The following TMOD3 variants were observed in gnomAD, a reference collection of about 807,000 sequenced individuals.
TMOD3 encodes tropomodulin-3.
Under a neutral mutation model 39.2 loss-of-function variants are expected in TMOD3, and 20 were observed. The observed-to-expected ratio is 0.51, with a 90% CI of 0.36 to 0.74. TMOD3 has a LOEUF of 0.74. Ranked by LOEUF, TMOD3 falls within the 30% of genes least tolerant of loss-of-function variation. The pLI, the probability that TMOD3 is intolerant of heterozygous loss-of-function variation, is 0.00. For synonymous variants in TMOD3, 143 were observed against 145.8 expected (o/e 0.98, Z 0.14); for missense variants, 381 against 412.8 (o/e 0.92, Z 0.67).
At chr15:51,865,392 G>A (rs2056440372) in intron 2 of TMOD3, among the ~76,000 whole-genome samples, 1 of 151,980 alleles carries the variant, frequency 6.6e-6, no homozygotes. Flanking sequence ...AAAGAGCTGG[G>A]ACTAGATCCC....
intron 3 of TMOD3, among the ~76,000 whole-genome samples, chr15:51,873,318 G>A (rs1416443836): frequency 3.3e-5 from 5 of 152,112 alleles, no homozygotes; most frequent in African/African-American, 7.2e-5. Context: ...TGAACACCTG[G>A]GTTGAGTCTC....
At chr15:51,872,808 G>T (rs2056482465) in intron 3 of TMOD3, among the ~76,000 whole-genome samples, 1 of 151,986 alleles carries the variant, frequency 6.6e-6, no homozygotes, top group South Asian at 2.1e-4. Context: ...CACTGTAAAG[G>T]ATCATATGGG....
intron 4 of TMOD3, among the ~76,000 whole-genome samples, chr15:51,887,964 A>G (rs1275493292): frequency 6.6e-6 from 1 of 152,226 alleles, no homozygotes; most frequent in African/African-American, 2.4e-5. Context: ...CCATGTTGTC[A>G]TATTTGAAAG....
intron 9 of TMOD3, among the ~76,000 whole-genome samples, chr15:51,907,692 C>G (rs1316637093): frequency 6.6e-6 from 1 of 152,228 alleles, no homozygotes; most frequent in Middle Eastern, 3.2e-3. Context: ...TTTGTCCTCT[C>G]TAGGAGCCGG....
intron 1 of TMOD3, chr15:51,859,191 C>T (rs1005146053): frequency 2.2e-4 from 159 of 727,822 alleles, no homozygotes; most frequent in South Asian, 1.9e-3. Flanking sequence ...TCTTCACAAA[C>T]GGCCAGTCTG....
At position 51,832,963 on chromosome 15, in the gene TMOD3, G is replaced by C. The variant is rs574435800; in HGVS notation, c.-75+3127G>C. Among the ~76,000 whole-genome samples, 9 of 152,278 alleles carry C rather than the reference G, an allele frequency of 5.9e-5. No homozygotes were observed. The South Asian group carries it at 1.9e-3, about 32-fold the overall frequency. ...TGAGGAGGGCATTATTCTCTAGGCC[G>C]TGTGGCTAAAGCGCTATCATCCCTT... On this transcript the variant is annotated intron_variant, in intron 1 of 9. Transcript: ENST00000308580.
chr15:51,912,514 G>A lies in TMOD3; in HGVS notation c.*3704G>A, dbSNP rs1384675585. On this transcript the variant is annotated 3_prime_UTR_variant, in exon 10 of 10. Coordinates refer to ENST00000308580, the MANE Select transcript of TMOD3 (RefSeq NM_014547.5). ...TTAACTCTTGCTGTCATTAAAATAA[G>A]ATGACAACATTTATGAAGTTTTATA... is the stretch of plus-strand genomic sequence containing the variant. The A allele has an allele frequency of 6.6e-6, 1 of 151,188 alleles. No individual in the cohort carries two copies. The highest frequency in any genetic ancestry group is 1.9e-4 in the East Asian group (1 of 5,170). The allele number at this position is 151,188 out of a possible 1,614,324, so 9.4% of individuals were successfully genotyped here.
At chr15:51,906,985 A>G (rs1049012715) in intron 9 of TMOD3, among the ~76,000 whole-genome samples, 2 of 147,080 alleles carry the variant, frequency 1.4e-5, no homozygotes, top group Admixed American at 7.1e-5. Flanking sequence ...GCGCCATTGC[A>G]CTCCAGCCTG....
At chr15:51,862,373 G>A (rs2056423630) in intron 1 of TMOD3, among the ~76,000 whole-genome samples, 1 of 152,068 alleles carries the variant, frequency 6.6e-6, no homozygotes, top group African/African-American at 2.4e-5. Context: ...GGAATGTATT[G>A]CTATCCCCCC....
rs779658558 is a variant in TMOD3, at chr15:51,887,679, G to A, written c.374G>A (p.Ser125Asn). 1 of 1,613,962 alleles carries A rather than the reference G, an allele frequency of 6.2e-7. No individual in the cohort carries two copies. Among genetic ancestry groups the A allele is most frequent in the Non-Finnish European group, 8.5e-7 (1 of 1,179,946 alleles). ...LDPELEEALT[S>N]ASDTELCDLA... Reference sequence around the variant, plus strand: ...CCAGAATTAGAAGAAGCTTTGACAAGTGCTTCTGATACAGAATTGTGTGAC... The same window carrying A: ...CCAGAATTAGAAGAAGCTTTGACAAATGCTTCTGATACAGAATTGTGTGAC... Residue 125 changes from serine to asparagine, a missense_variant, in exon 4 of 10, where the codon AGT becomes AAT. By Grantham distance (46) the Ser-to-Asn change is conservative (BLOSUM62 1). Coordinates refer to ENST00000308580, the MANE Select transcript of TMOD3 (RefSeq NM_014547.5).
intron 1 of TMOD3, 35 bp from the exon 2 acceptor site, chr15:51,862,776 A>G: frequency 9.4e-7 from 1 of 1,066,676 alleles, no homozygotes. Flanking sequence ...GAGATGACTT[A>G]CTATTTAAAA....
intron 3 of TMOD3, among the ~76,000 whole-genome samples, chr15:51,887,170 A>G (rs1365674494): frequency 1.3e-5 from 2 of 151,180 alleles, no homozygotes; most frequent in African/African-American, 2.4e-5. Context: ...GCAGTGAGCC[A>G]AGATCACGCC....
intron 1 of TMOD3, among the ~76,000 whole-genome samples, chr15:51,845,312 C>T (rs2141672027): frequency 6.6e-6 from 1 of 152,280 alleles, no homozygotes; most frequent in East Asian, 1.9e-4. Flanking sequence ...GTGGAAGAGC[C>T]ACCTGTCAGA....
chr15:51,844,733 T>C (rs528238117), intron 1 of TMOD3, among the ~76,000 whole-genome samples: 1 of 152,350 alleles, frequency 6.6e-6, no homozygotes, highest in East Asian at 1.9e-4. Flanking sequence ...TTATGATTTG[T>C]AGGGAATTCA....
At chr15:51,846,670 A>G (rs1308872571) in intron 1 of TMOD3, among the ~76,000 whole-genome samples, 1 of 152,182 alleles carries the variant, frequency 6.6e-6, no homozygotes, top group East Asian at 1.9e-4. Context: ...TTTCCCTGTA[A>G]GCCACTTCAT....
At chr15:51,834,468 T>C (rs756096184) in intron 1 of TMOD3, among the ~76,000 whole-genome samples, 2 of 152,186 alleles carry the variant, frequency 1.3e-5, no homozygotes, top group Non-Finnish European at 2.9e-5. Context: ...TGATATAAGA[T>C]AGGAGTTTGG....
intron 1 of TMOD3, among the ~76,000 whole-genome samples, chr15:51,861,781 C>T (rs940161500): frequency 6.6e-6 from 1 of 151,874 alleles, no homozygotes; most frequent in Non-Finnish European, 1.5e-5. Flanking sequence ...TCTCAGCCTC[C>T]TGAGTAGCTG....
intron 2 of TMOD3, among the ~76,000 whole-genome samples, chr15:51,867,177 T>A (rs1260247003): frequency 6.6e-6 from 1 of 152,106 alleles, no homozygotes; most frequent in Non-Finnish European, 1.5e-5. Flanking sequence ...ATAAAAAATA[T>A]CAGGCAGCTG....
intron 3 of TMOD3, among the ~76,000 whole-genome samples, chr15:51,876,089 G>A (rs2056501589): frequency 6.6e-6 from 1 of 152,058 alleles, no homozygotes; most frequent in African/African-American, 2.4e-5. Flanking sequence ...TGTTAATAGA[G>A]CCTATCTTTC....
Sources: gnomAD v4.1 joint callset for allele counts (sites outside exome capture counted in the v4.1 genomes callset) on GRCh38, gnomAD v4.1.1 for gene constraint, MANE v1.5 for transcripts, NCBI Gene and HGNC (gene_info 2026-07-23, HGNC 2026-07-21) for gene names.